GLIS3: variants seen among roughly 807,000 people sequenced by gnomAD.
GLIS3 encodes zinc finger protein GLIS3.
Under a neutral mutation model 78.6 loss-of-function variants are expected in GLIS3, and 53 were observed. The observed-to-expected ratio is 0.67, with a 90% confidence interval of 0.54 to 0.85. GLIS3 has a LOEUF of 0.85. Ranked by LOEUF, GLIS3 falls within the 40% of genes least tolerant of loss-of-function variation. The probability of loss-of-function intolerance (pLI) is 0.00; values close to 1 mark genes in which losing one functional copy is unlikely to be tolerated. For missense variants in GLIS3, 1,703 were observed against 1,231.1 expected (o/e 1.38, Z -5.74); for synonymous variants, 684 against 509.9 (o/e 1.34, Z -4.60).
At chr9:4,403,215 T>C in the GLIS3 span, among the ~76,000 whole-genome samples, 1 of 152,022 alleles carries the variant, frequency 6.6e-6, no homozygotes, top group African/African-American at 2.4e-5. Context: ...CTGGTGAAAA[T>C]ACCCTTCAAG....
chr9:4,379,262 C>T, the GLIS3 span, among the ~76,000 whole-genome samples: 1 of 152,300 alleles, frequency 6.6e-6, no homozygotes, highest in East Asian at 1.9e-4. Context: ...CATTTGCTGG[C>T]TATGGGTCTC....
intron 2 of GLIS3, among the ~76,000 whole-genome samples, chr9:4,148,443 T>A (rs2131024611): frequency 6.6e-6 from 1 of 152,250 alleles, no homozygotes; most frequent in East Asian, 1.9e-4. Flanking sequence ...CCTTCCATAT[T>A]CCTTCCTCCA....
In GLIS3 at chr9:4,299,955, TGCGCGCCGCGCTCTGGGCTGCCCGG is replaced by T. The variant is rs1292505403; in HGVS notation, c.-658_-634del. On this transcript the variant is annotated 5_prime_UTR_variant, in exon 1 of 11. Coordinates refer to ENST00000381971, the MANE Select transcript of GLIS3 (RefSeq NM_001042413.2). ...CCGCGGCACTCGCCGCCGGTGCCCG[TGCGCGCCGCGCTCTGGGCTGCCCGG>T]GCGGCGCAGTGTGGACGCGGCTGCA... is the stretch of plus-strand genomic sequence containing the variant. 7 of 151,532 alleles carry T rather than the reference TGCGCGCCGCGCTCTGGGCTGCCCGG, an allele frequency of 4.6e-5. No homozygotes were observed. Among genetic ancestry groups the T allele is most frequent in the East Asian group, 2.0e-4 (1 of 5,106 alleles). 9.4% of individuals were successfully genotyped at this position (151,532 alleles called of 1,614,324 possible).
At chr9:4,098,910 GT>G (rs1830158029) in intron 4 of GLIS3, among the ~76,000 whole-genome samples, 1 of 152,184 alleles carries the variant, frequency 6.6e-6, no homozygotes, top group Middle Eastern at 3.2e-3. Context: ...AGGTCTCAAT[GT>G]GTTGATCCCA....
the GLIS3 span, among the ~76,000 whole-genome samples, chr9:4,357,153 T>C: frequency 6.6e-6 from 1 of 152,230 alleles, no homozygotes; most frequent in African/African-American, 2.4e-5. Context: ...GGAATAACCC[T>C]GTGATCTTTA....
the GLIS3 span, among the ~76,000 whole-genome samples, chr9:4,449,007 G>A: frequency 6.6e-6 from 1 of 152,174 alleles, no homozygotes. Flanking sequence ...AGCTGAAGCA[G>A]GGCAGGGTGT....
chr9:4,281,719 C>A (rs1230395768), intron 2 of GLIS3, among the ~76,000 whole-genome samples: 1 of 152,130 alleles, frequency 6.6e-6, no homozygotes, highest in Non-Finnish European at 1.5e-5. Flanking sequence ...ACATGGGTGT[C>A]AAAAGTACTT....
At chr9:4,343,829 C>T (rs1175948619) in intron 2 of GLIS3, among the ~76,000 whole-genome samples, 6 of 152,146 alleles carry the variant, frequency 3.9e-5, no homozygotes, top group Admixed American at 3.9e-4. Flanking sequence ...AAACCAAATA[C>T]CACATGTTCT....
At chr9:4,133,825 T>TACACACAC (rs138728219) in intron 2 of GLIS3, among the ~76,000 whole-genome samples, 3,264 of 121,648 alleles carry the variant, frequency 0.027, 60 homozygotes, top group Middle Eastern at 0.058. Context: ...CAAGACCTTC[T>TACACACAC]ACACACACAC....
At chr9:4,256,116 G>C (rs914737278) in intron 2 of GLIS3, among the ~76,000 whole-genome samples, 3 of 152,000 alleles carry the variant, frequency 2.0e-5, no homozygotes, top group Non-Finnish European at 4.4e-5. Context: ...CAATGGTATT[G>C]GCTGAAGATA....
intron 6 of GLIS3, among the ~76,000 whole-genome samples, chr9:3,902,756 A>C (rs1822896): frequency 0.75 from 114,363 of 152,084 alleles, 43,103 homozygotes; most frequent in East Asian, 0.83. Flanking sequence ...TATGAGGAGA[A>C]ACTAATAGTT....
intron 2 of GLIS3, among the ~76,000 whole-genome samples, chr9:4,219,770 C>T (rs1032741808): frequency 6.6e-6 from 1 of 152,152 alleles, no homozygotes; most frequent in Non-Finnish European, 1.5e-5. Flanking sequence ...CTGGTATCGG[C>T]AGCACGTGCA....
At chr9:4,380,296 T>C in the GLIS3 span, among the ~76,000 whole-genome samples, 1 of 152,228 alleles carries the variant, frequency 6.6e-6, no homozygotes, top group Non-Finnish European at 1.5e-5. Flanking sequence ...AAATCTTCTA[T>C]TATATGTAAT....
the GLIS3 span, among the ~76,000 whole-genome samples, chr9:4,482,457 C>CGCTG: frequency 1.3e-5 from 2 of 152,264 alleles, no homozygotes; most frequent in Non-Finnish European, 2.9e-5. Context: ...TGTCTAGCTG[C>CGCTG]GCTGACACCA....
intron 4 of GLIS3, among the ~76,000 whole-genome samples, chr9:4,056,335 G>A (rs540551874): frequency 1.6e-4 from 25 of 152,284 alleles, no homozygotes; most frequent in African/African-American, 6.0e-4. Flanking sequence ...ACTCTCTGTG[G>A]ATGCAGCTTC....
intron 4 of GLIS3, among the ~76,000 whole-genome samples, chr9:4,114,911 C>G (rs958194594): frequency 2.6e-5 from 4 of 152,232 alleles, no homozygotes; most frequent in Non-Finnish European, 5.9e-5. Context: ...ACAGCCCTCC[C>G]CCAGTTCTGC....
chr9:4,484,048 T>C, the GLIS3 span, among the ~76,000 whole-genome samples: 2 of 152,182 alleles, frequency 1.3e-5, no homozygotes, highest in Non-Finnish European at 1.5e-5. Context: ...GTTGTTGTTA[T>C]TACCAGCTAA....
At chr9:4,316,739 G>A (rs936059538) in intron 2 of GLIS3, among the ~76,000 whole-genome samples, 10 of 152,136 alleles carry the variant, frequency 6.6e-5, no homozygotes, top group African/African-American at 9.7e-5. Context: ...GATAAGCTTC[G>A]ACCATCTGCA....
chr9:4,200,568 A>C (rs145841403), intron 2 of GLIS3, among the ~76,000 whole-genome samples: 146 of 152,326 alleles, frequency 9.6e-4, no homozygotes, highest in African/African-American at 3.3e-3. Context: ...GGAAATAGAT[A>C]AATTCCTGGA....
Sources: gnomAD v4.1 joint callset for allele counts (sites outside exome capture counted in the v4.1 genomes callset) on GRCh38, gnomAD v4.1.1 for gene constraint, MANE v1.5 for transcripts, NCBI Gene and HGNC (gene_info 2026-07-23, HGNC 2026-07-21) for gene names.